HDAC9: variants seen among roughly 807,000 people sequenced by gnomAD.
HDAC9 encodes MEF-2 interacting transcription repressor (MITR) protein.
Under a neutral mutation model 139.4 loss-of-function variants are expected in HDAC9, and 41 were observed. The observed-to-expected ratio is 0.29, with a 90% CI of 0.23 to 0.38. The LOEUF (loss-of-function observed/expected upper bound fraction) is 0.38, where lower values mean the gene tolerates loss of function less well. Among genes scored for constraint, HDAC9 ranks in the 10% least tolerant of loss-of-function variants. The probability of loss-of-function intolerance (pLI) is 1.00; values close to 1 mark genes in which losing one functional copy is unlikely to be tolerated. For synonymous variants in HDAC9, 517 were observed against 476.2 expected, an observed-to-expected ratio of 1.09 and a Z score of -1.12; for missense variants, 1,147 against 1,297.0, an observed-to-expected ratio of 0.88 and a Z score of 1.78.
chr7:18,406,271 A>G (rs1431243397), intron 1 of HDAC9, among the ~76,000 whole-genome samples: 1 of 152,206 alleles, frequency 6.6e-6, no homozygotes, highest in East Asian at 1.9e-4. Flanking sequence ...TTTTTATAAG[A>G]CAAGTATTAG....
intron 1 of HDAC9, among the ~76,000 whole-genome samples, chr7:18,350,989 A>G (rs956533725): frequency 6.6e-6 from 1 of 152,164 alleles, no homozygotes; most frequent in Non-Finnish European, 1.5e-5. Context: ...AATACATTTT[A>G]TAACCCCTGC....
intron 1 of HDAC9, among the ~76,000 whole-genome samples, chr7:18,447,195 C>T (rs994035882): frequency 2.0e-5 from 3 of 151,806 alleles, no homozygotes; most frequent in Non-Finnish European, 2.9e-5. Context: ...GGTGTGAAAA[C>T]AAAAAATAAC....
chr7:18,961,292 A>G (rs1252262705), intron 24 of HDAC9, among the ~76,000 whole-genome samples: 1 of 152,200 alleles, frequency 6.6e-6, no homozygotes. Context: ...ACAGGAGATT[A>G]GCAGGGCTTA....
At chr7:18,898,384 A>T (rs1043954878) in intron 22 of HDAC9, among the ~76,000 whole-genome samples, 18 of 151,934 alleles carry the variant, frequency 1.2e-4, no homozygotes, top group African/African-American at 4.3e-4. Context: ...ATAGCTAAAA[A>T]TTTTTTACAT....
At chr7:18,429,259 T>G (rs1231139127) in intron 1 of HDAC9, 2 of 152,202 alleles carry the variant, frequency 1.3e-5, no homozygotes, top group Non-Finnish European at 2.9e-5. Context: ...AAATCCCTAC[T>G]TCATACTAGT....
At chr7:18,995,088 T>C (rs1007817634) in intron 25 of HDAC9, among the ~76,000 whole-genome samples, 2 of 152,214 alleles carry the variant, frequency 1.3e-5, no homozygotes, top group South Asian at 2.1e-4. Context: ...AGGTCAATTT[T>C]ACCTCCTTTA....
At chr7:18,480,320 C>A (rs965692190) in intron 1 of HDAC9, among the ~76,000 whole-genome samples, 4 of 152,066 alleles carry the variant, frequency 2.6e-5, no homozygotes, top group Admixed American at 6.6e-5. Flanking sequence ...AGATTGAGTC[C>A]GAATCTATGT....
intron 1 of HDAC9, among the ~76,000 whole-genome samples, chr7:18,479,427 C>T (rs1486144554): frequency 2.0e-5 from 3 of 152,156 alleles, no homozygotes; most frequent in South Asian, 2.1e-4. Context: ...AAAGCTTCCA[C>T]ATATGTGGGA....
At chr7:18,793,531 G>C in intron 17 of HDAC9, 79 bp downstream of exon 17, 1 of 932,422 alleles carries the variant, frequency 1.1e-6, no homozygotes, top group South Asian at 1.4e-5. Flanking sequence ...GGAATTGCGG[G>C]GAGTGTGGCG....
Position 18,838,623 on chromosome 7 carries a change from A to G in HDAC9, c.2684+2626A>G, listed in dbSNP as rs187546677. Among the ~76,000 whole-genome samples the G allele has an allele frequency of 1.2e-4, 18 of 152,206 alleles. No homozygotes were observed. The East Asian group carries it at 3.5e-3, about 29-fold the overall frequency. On this transcript the variant is annotated intron_variant, in intron 21 of 25. Coordinates refer to ENST00000686413, the MANE Select transcript of HDAC9 (RefSeq NM_178425.4). ...TTTGGGCTTAGTCAGATAGACTGCCAAATAATTTTTAATGTAGTATTATTT... is the reference window on the plus strand; with the variant it reads ...TTTGGGCTTAGTCAGATAGACTGCCGAATAATTTTTAATGTAGTATTATTT...
At chr7:18,530,298 T>G (rs1808475950) in intron 2 of HDAC9, among the ~76,000 whole-genome samples, 1 of 152,150 alleles carries the variant, frequency 6.6e-6, no homozygotes, top group African/African-American at 2.4e-5. Context: ...AATTATAAAA[T>G]AATGTATGTT....
intron 2 of HDAC9, among the ~76,000 whole-genome samples, chr7:18,547,141 C>T (rs570140695): frequency 6.6e-6 from 1 of 152,338 alleles, no homozygotes; most frequent in East Asian, 1.9e-4. Flanking sequence ...TTCACTGAGT[C>T]ACAACCTTTT....
chr7:18,444,513 C>T (rs555248294), intron 1 of HDAC9, among the ~76,000 whole-genome samples: 74 of 152,152 alleles, frequency 4.9e-4, no homozygotes, highest in African/African-American at 1.7e-3. Context: ...CTGTATATCC[C>T]ATACTCATCT....
At chr7:18,148,905 C>G (rs1046968444) in intron 1 of HDAC9, among the ~76,000 whole-genome samples, 5 of 152,180 alleles carry the variant, frequency 3.3e-5, no homozygotes, top group Non-Finnish European at 5.9e-5. Flanking sequence ...GTAATATAAT[C>G]AAAGGTTCTG....
chr7:18,966,663 C>T (rs555245995), intron 24 of HDAC9, among the ~76,000 whole-genome samples: 3 of 151,976 alleles, frequency 2.0e-5, no homozygotes, highest in South Asian at 2.1e-4. Flanking sequence ...ATTGCACCAC[C>T]GCGCTCCAGC....
At chr7:18,903,169 G>C (rs987487229) in intron 22 of HDAC9, among the ~76,000 whole-genome samples, 1 of 152,240 alleles carries the variant, frequency 6.6e-6, no homozygotes, top group African/African-American at 2.4e-5. Flanking sequence ...TCAGCCTGAT[G>C]GTTAACTATA....
At chr7:18,862,850 A>T (rs1266994743) in intron 21 of HDAC9, among the ~76,000 whole-genome samples, 5 of 152,202 alleles carry the variant, frequency 3.3e-5, no homozygotes, top group Non-Finnish European at 7.4e-5. Context: ...ATTCAGGAGA[A>T]TGCAATAAAC....
intron 12 of HDAC9, among the ~76,000 whole-genome samples, chr7:18,687,347 GC>G (rs1268034387): frequency 6.6e-6 from 1 of 151,678 alleles, no homozygotes; most frequent in African/African-American, 2.4e-5. Context: ...ATGTGTATTT[GC>G]TTGCAAAACC....
chr7:18,892,133 A>G (rs1192165091), intron 22 of HDAC9: 3 of 152,134 alleles, frequency 2.0e-5, no homozygotes, highest in South Asian at 4.1e-4. Context: ...AACACAAACT[A>G]GGAAATAGGA....
Sources: gnomAD v4.1 joint callset for allele counts (sites outside exome capture counted in the v4.1 genomes callset) on GRCh38, gnomAD v4.1.1 for gene constraint, MANE v1.5 for transcripts, NCBI Gene and HGNC (gene_info 2026-07-23, HGNC 2026-07-21) for gene names.